Variants in ADGRL3 observed in about 807,000 individuals in gnomAD.
ADGRL3 encodes calcium-independent alpha-latrotoxin receptor 3.
Under a neutral mutation model 153.5 loss-of-function variants are expected in ADGRL3, and 62 were observed. The ratio of observed to expected loss-of-function variants is 0.40; its 90% CI spans 0.33 to 0.50. The LOEUF (loss-of-function observed/expected upper bound fraction) is 0.50. Among genes scored for constraint, ADGRL3 ranks in the 20% least tolerant of loss-of-function variants. The pLI is 0.47. For missense variants in ADGRL3, 1,641 were observed against 1,859.4 expected (o/e 0.88, Z 2.16); for synonymous variants, 710 against 672.5 (o/e 1.06, Z -0.86).
intron 5 of ADGRL3, among the ~76,000 whole-genome samples, chr4:61,670,289 C>A (rs1003475895): frequency 1.3e-5 from 2 of 151,890 alleles, no homozygotes; most frequent in Non-Finnish European, 2.9e-5. Context: ...CAAGACTTCT[C>A]TCAAAAATAT....
intron 8 of ADGRL3, among the ~76,000 whole-genome samples, chr4:61,734,976 T>A (rs988263271): frequency 6.6e-6 from 1 of 152,234 alleles, no homozygotes; most frequent in Non-Finnish European, 1.5e-5. Context: ...CTGTTAATAT[T>A]TCTTATTTTC....
chr4:61,615,322 A>G (rs936710314), intron 5 of ADGRL3, among the ~76,000 whole-genome samples: 3 of 152,128 alleles, frequency 2.0e-5, no homozygotes, highest in Admixed American at 2.0e-4. Flanking sequence ...TGTCCTTCAA[A>G]AGTTCACAGT....
At chr4:61,389,506 T>A (rs1271404621) in intron 2 of ADGRL3, among the ~76,000 whole-genome samples, 1 of 152,214 alleles carries the variant, frequency 6.6e-6, no homozygotes, top group Non-Finnish European at 1.5e-5. Context: ...GAGCCAGATG[T>A]TAATTTTCAT....
intron 1 of ADGRL3, among the ~76,000 whole-genome samples, chr4:61,251,245 A>G (rs995208966): frequency 2.0e-5 from 3 of 152,150 alleles, no homozygotes; most frequent in African/African-American, 7.2e-5. Context: ...TTTCACTCAC[A>G]CGCCTGGTTT....
intron 2 of ADGRL3, chr4:61,425,404 G>C (rs1056739979): frequency 6.6e-6 from 1 of 152,400 alleles, no homozygotes; most frequent in African/African-American, 2.4e-5. Flanking sequence ...AGGGCAAGCC[G>C]TCCATAGCTG....
chr4:61,302,562 T>C (rs975150305), intron 1 of ADGRL3, among the ~76,000 whole-genome samples: 1 of 152,178 alleles, frequency 6.6e-6, no homozygotes, highest in African/African-American at 2.4e-5. Context: ...CATAGATGTT[T>C]TTAAAGATTT....
At chr4:61,646,535 C>G (rs991372141) in intron 5 of ADGRL3, among the ~76,000 whole-genome samples, 12 of 150,838 alleles carry the variant, frequency 8.0e-5, no homozygotes, top group Non-Finnish European at 1.5e-4. Context: ...AGTACTGGGC[C>G]CTGTGAGGTG....
chr4:61,217,950 A>C (rs1442103265), intron 1 of ADGRL3, among the ~76,000 whole-genome samples: 1 of 152,180 alleles, frequency 6.6e-6, no homozygotes, highest in Admixed American at 6.5e-5. Flanking sequence ...TCAATCTGGA[A>C]AACAATTGTT....
At chr4:61,751,738 T>C (rs1436048251) in intron 8 of ADGRL3, among the ~76,000 whole-genome samples, 1 of 152,226 alleles carries the variant, frequency 6.6e-6, no homozygotes, top group African/African-American at 2.4e-5. Flanking sequence ...AACTCTAGCA[T>C]ACATTATTTG....
rs553523357 is a variant in ADGRL3, at chr4:61,235,262, A to G, written c.-240+33497A>G. 4.5e-4 allele frequency among the ~76,000 whole-genome samples: 68 copies of G among 152,114 alleles called. 2 individuals carry two copies. Among genetic ancestry groups the G allele is most frequent in the Non-Finnish European group, 1.2e-4 (8 of 68,022 alleles). ...GATATGTATTAAATGAAAGTACTCA[A>G]CTGTCCTATGTTTTTACTCTGTATT... On this transcript the variant is annotated intron_variant, in intron 1 of 26. Transcript: ENST00000683033.
intron 10 of ADGRL3, among the ~76,000 whole-genome samples, 171 bp downstream of exon 10, chr4:61,893,129 CTCTTTCTTTCT>C (rs1196563424): frequency 6.5e-5 from 9 of 139,302 alleles, no homozygotes; most frequent in Non-Finnish European, 1.1e-4. Context: ...CTCTCTTTCT[CTCTTTCTTTCT>C]TCTTTCTTTC....
chr4:61,715,320 G>A (rs1285909629), intron 6 of ADGRL3, among the ~76,000 whole-genome samples: 2 of 152,056 alleles, frequency 1.3e-5, no homozygotes, highest in Non-Finnish European at 1.5e-5. Flanking sequence ...TTAAAAGCAG[G>A]CTGAAAACGT....
intron 1 of ADGRL3, among the ~76,000 whole-genome samples, chr4:61,213,104 G>A (rs1424972699): frequency 6.6e-6 from 1 of 151,994 alleles, no homozygotes; most frequent in Non-Finnish European, 1.5e-5. Flanking sequence ...TTGAGCTAGA[G>A]CAACAACAAC....
At chr4:61,644,428 G>T (rs2093856868) in intron 5 of ADGRL3, among the ~76,000 whole-genome samples, 1 of 152,066 alleles carries the variant, frequency 6.6e-6, no homozygotes, top group African/African-American at 2.4e-5. Flanking sequence ...TGGGCATTTA[G>T]CGCTATAAAT....
chr4:61,258,037 C>CCT (rs2092156626), intron 1 of ADGRL3, among the ~76,000 whole-genome samples: 2 of 152,092 alleles, frequency 1.3e-5, no homozygotes, highest in South Asian at 4.1e-4. Flanking sequence ...ACTACCAGCC[C>CCT]CCATCTTCCT....
At chr4:61,595,003 C>A (rs897843535) in intron 5 of ADGRL3, among the ~76,000 whole-genome samples, 3 of 152,090 alleles carry the variant, frequency 2.0e-5, no homozygotes, top group Admixed American at 6.6e-5. Context: ...TCACTTAAAG[C>A]CCAAGGCATC....
intron 1 of ADGRL3, among the ~76,000 whole-genome samples, chr4:61,272,540 A>G (rs567032366): frequency 6.6e-6 from 1 of 152,122 alleles, no homozygotes; most frequent in Non-Finnish European, 1.5e-5. Context: ...TAACGTAGTC[A>G]TGATTTTCAT....
rs183160523 is a variant in ADGRL3, at chr4:62,070,854, G to T, written c.4578G>T (p.Gly1526=). The change falls in exon 27 of 27, where the codon GGG becomes GGT. Residue 1526 remains glycine, a synonymous_variant. Coordinates refer to ENST00000683033, the MANE Select transcript of ADGRL3 (RefSeq NM_001387552.1). The stretch of plus-strand genomic sequence containing the variant: ...TTATAGTTCCTCCAAACAAAGATGG[G>T]ACCCCTCCCGAGGGAAGTTCAAAAG... ...DGFIVPPNKD[G]TPPEGSSKGP... is the part of the protein sequence containing the mutation. 26 of 1,551,602 alleles carry T rather than the reference G, an allele frequency of 1.7e-5. No homozygotes were observed. In the Admixed American group the frequency reaches 4.1e-4, roughly 25 times the overall value.
chr4:62,018,100 A>G (rs187943461), intron 21 of ADGRL3, among the ~76,000 whole-genome samples: 1 of 152,308 alleles, frequency 6.6e-6, no homozygotes, highest in Non-Finnish European at 1.5e-5. Flanking sequence ...GCAGTGCTGC[A>G]ACATGTACTG....
Sources: allele counts gnomAD v4.1 joint callset (sites outside exome capture counted in the v4.1 genomes callset), GRCh38; gene constraint gnomAD v4.1.1; transcripts MANE v1.5; gene names NCBI Gene and HGNC (gene_info 2026-07-23, HGNC 2026-07-21).